Variants in RTKN2 observed in about 807,000 individuals in gnomAD.
The protein encoded by RTKN2 is rhotekin 2, also known as rhotekin-2.
In RTKN2, 69 loss-of-function variants were observed where a neutral mutation model predicts 71.5. That is an observed-to-expected ratio of 0.96 (90% CI 0.79 to 1.18). The LOEUF (loss-of-function observed/expected upper bound fraction) is 1.18. Ranked by LOEUF, RTKN2 falls within the 50% of genes most tolerant of loss-of-function variation. RTKN2 has a pLI of 0.00. For synonymous variants in RTKN2, 236 were observed against 236.5 expected (o/e 1.00, Z 0.02); for missense variants, 724 against 719.7 (o/e 1.01, Z -0.07).
chr10:62,239,813 C>A (rs374541217), intron 4 of RTKN2, 48 bp from the exon 5 acceptor site: 9 of 903,630 alleles, frequency 1.0e-5, no homozygotes, highest in Non-Finnish European at 1.6e-5. Flanking sequence ...TGTAATAAAT[C>A]ATTGTTAAAA....
At position 62,236,057 on chromosome 10, in the gene RTKN2, A is replaced by G. The variant is rs752960348; in HGVS notation, c.686+9T>C. On this transcript the variant is annotated intron_variant, in intron 6 of 11. Coordinates refer to ENST00000373789, the MANE Select transcript of RTKN2 (RefSeq NM_145307.4). ...TTATGTCACCATAAATACAGTATTA[A>G]AAACTTACAAAACAGCAGAGCTGAG... The G allele has an allele frequency of 5.0e-6, 8 of 1,585,368 alleles. No homozygotes were observed. The Admixed American group carries it at 1.0e-4, about 20-fold the overall frequency.
Position 62,194,457 on chromosome 10 carries a change from T to C in RTKN2, c.*3451A>G. 1.0e-6 allele frequency: 1 copy of C among 979,204 alleles called. No homozygotes were observed. The highest frequency in any genetic ancestry group is 4.7e-5 in the South Asian group (1 of 21,136). 60.7% of individuals were successfully genotyped at this position (979,204 alleles called of 1,614,324 possible). ...TACTAGAATATAAATGGTCATCAGT[T>C]AAAGTTTAATTACTATTCAATAATT... is the stretch of plus-strand genomic sequence containing the variant. On this transcript the variant is annotated 3_prime_UTR_variant, in exon 12 of 12. Coordinates refer to ENST00000373789, the MANE Select transcript of RTKN2 (RefSeq NM_145307.4).
intron 3 of RTKN2, among the ~76,000 whole-genome samples, chr10:62,244,783 A>C (rs1046703228): frequency 2.6e-5 from 4 of 152,306 alleles, no homozygotes; most frequent in East Asian, 1.9e-4. Flanking sequence ...ACAAGCAACA[A>C]ATTTTTACAT....
intron 8 of RTKN2, among the ~76,000 whole-genome samples, chr10:62,185,382 C>T (rs1382275699): frequency 6.6e-6 from 1 of 152,050 alleles, no homozygotes; most frequent in Admixed American, 6.6e-5. Context: ...CTTTGGGTGG[C>T]CGAAGTGGGC....
intron 7 of RTKN2, among the ~76,000 whole-genome samples, chr10:62,221,303 G>A (rs1841900404): frequency 6.6e-6 from 1 of 151,926 alleles, no homozygotes. Context: ...TCTAAAAAAT[G>A]AGAAAAAGGA....
At position 62,198,086 on chromosome 10, in the gene RTKN2, T is replaced by C; in HGVS notation, c.1652A>G (p.His551Arg). 5 of 1,614,116 alleles carry C rather than the reference T, an allele frequency of 3.1e-6. No homozygotes were observed. The highest frequency in any genetic ancestry group is 1.1e-5 in the South Asian group (1 of 91,080). ...LDTKLSTLMHHLQKPMAAPRK... is the reference protein window; with the variant it reads ...LDTKLSTLMHRLQKPMAAPRK... Reference sequence around the variant, plus strand: ...AGGAGCAGCCATTGGTTTCTGTAAGTGATGCATTAGAGTTGATAGTTTGGT... The same window carrying C: ...AGGAGCAGCCATTGGTTTCTGTAAGCGATGCATTAGAGTTGATAGTTTGGT... The change falls in exon 12 of 12, where the codon CAC becomes CGC. Residue 551 changes from histidine to arginine, a missense_variant. Physicochemically the swap from His to Arg is conservative, Grantham distance 29. Transcript: ENST00000373789.
At chr10:62,235,922 T>C in intron 6 of RTKN2, 144 bp downstream of exon 6, 1 of 635,652 alleles carries the variant, frequency 1.6e-6, no homozygotes, top group Non-Finnish European at 2.7e-6. Flanking sequence ...GATACCTCAG[T>C]TGAGTAAATG....
At chr10:62,261,165 T>C (rs911096246) in intron 2 of RTKN2, among the ~76,000 whole-genome samples, 4 of 152,254 alleles carry the variant, frequency 2.6e-5, no homozygotes, top group African/African-American at 9.6e-5. Flanking sequence ...TCCTACATTA[T>C]GCTAATGGAA....
intron 9 of RTKN2, among the ~76,000 whole-genome samples, chr10:62,209,490 G>A (rs1409399148): frequency 6.6e-6 from 1 of 151,808 alleles, no homozygotes; most frequent in African/African-American, 2.4e-5. Flanking sequence ...TAAGTTCAGG[G>A]GTACAAGTGC....
chr10:62,227,188 C>T (rs985620521), intron 6 of RTKN2, among the ~76,000 whole-genome samples: 1 of 152,040 alleles, frequency 6.6e-6, no homozygotes, highest in South Asian at 2.1e-4. Context: ...TGTAAACATA[C>T]ATTTATATAT....
At chr10:62,255,622 GAATCATA>G (rs1308609506) in intron 2 of RTKN2, among the ~76,000 whole-genome samples, 1 of 152,190 alleles carries the variant, frequency 6.6e-6, no homozygotes, top group African/African-American at 2.4e-5. Context: ...ATTTAGGGAA[GAATCATA>G]AATGGATGAT....
At chr10:62,250,399 T>A (rs1842558826) in intron 2 of RTKN2, among the ~76,000 whole-genome samples, 1 of 152,164 alleles carries the variant, frequency 6.6e-6, no homozygotes, top group African/African-American at 2.4e-5. Context: ...TTTCAAACAT[T>A]AGTATCAAAG....
At position 62,262,606 on chromosome 10, in the gene RTKN2, G is replaced by C. The variant is rs899944312; in HGVS notation, c.257+19C>G. The C allele has an allele frequency of 2.6e-6, 4 of 1,531,844 alleles. No homozygotes were observed. Among genetic ancestry groups the C allele is most frequent in the African/African-American group, 2.7e-5 (2 of 72,782 alleles). 94.9% of individuals were successfully genotyped at this position (1,531,844 alleles called of 1,614,324 possible). The stretch of plus-strand genomic sequence containing the variant: ...ATATTTAAGTACATTAAAAGCCACA[G>C]GTAAACTATGTTACTAACCATCTTC... On this transcript the variant is annotated intron_variant, in intron 2 of 11. Coordinates refer to ENST00000373789, the MANE Select transcript of RTKN2 (RefSeq NM_145307.4).
chr10:62,243,995 T>C (rs1036450232), intron 3 of RTKN2, among the ~76,000 whole-genome samples: 1 of 152,206 alleles, frequency 6.6e-6, no homozygotes, highest in African/African-American at 2.4e-5. Flanking sequence ...AAATATTTGA[T>C]GTTCAGCAGA....
At chr10:62,221,085 G>A (rs1371803379) in intron 7 of RTKN2, among the ~76,000 whole-genome samples, 1 of 150,248 alleles carries the variant, frequency 6.7e-6, no homozygotes, top group Non-Finnish European at 1.5e-5. Flanking sequence ...TACAAGTAGT[G>A]CACAGAAACA....
intron 8 of RTKN2, among the ~76,000 whole-genome samples, chr10:62,185,530 C>T (rs1264028640): frequency 1.3e-5 from 2 of 152,048 alleles, no homozygotes; most frequent in African/African-American, 4.8e-5. Flanking sequence ...GCAGGAGAAC[C>T]GCTTGAACCC....
At chr10:62,247,271 A>G (rs1842497301) in intron 2 of RTKN2, among the ~76,000 whole-genome samples, 1 of 152,006 alleles carries the variant, frequency 6.6e-6, no homozygotes, top group Non-Finnish European at 1.5e-5. Context: ...AAACAAATAT[A>G]TCATCCTGCT....
At chr10:62,242,219 A>T (rs1177882192) in intron 3 of RTKN2, among the ~76,000 whole-genome samples, 3 of 151,930 alleles carry the variant, frequency 2.0e-5, no homozygotes. Flanking sequence ...TTCTTTTTTG[A>T]AAACACCTTA....
rs1841322703 is a variant in RTKN2 at position 62,195,947 on chromosome 10, C to T, written c.*1961G>A. On this transcript the variant is annotated 3_prime_UTR_variant, in exon 12 of 12. Coordinates refer to ENST00000373789, the MANE Select transcript of RTKN2 (RefSeq NM_145307.4). ...ATGAATACTTTCTTTTTCTTATACA[C>T]CTTAAGTCCTTCCTGCTGTTATCTG... 1 of 985,104 alleles carries T rather than the reference C, an allele frequency of 1.0e-6. No homozygotes were observed. Among genetic ancestry groups the T allele is most frequent in the Non-Finnish European group, 1.2e-6 (1 of 829,788 alleles). The allele number at this position is 985,104 out of a possible 1,614,324, so 61.0% of individuals were successfully genotyped here. A position where few individuals can be genotyped will look rare whatever the true frequency, so the allele number is the denominator to read the frequency against.
Sources: gnomAD v4.1 joint callset for allele counts (sites outside exome capture counted in the v4.1 genomes callset) on GRCh38, gnomAD v4.1.1 for gene constraint, MANE v1.5 for transcripts, NCBI Gene and HGNC (gene_info 2026-07-23, HGNC 2026-07-21) for gene names.